The following IFT88 variants were observed in gnomAD, a reference collection of about 807,000 sequenced individuals.
IFT88 encodes intraflagellar transport 88.
Under a neutral mutation model 119.5 loss-of-function variants are expected in IFT88, and 74 were observed. The observed-to-expected ratio is 0.62, with a 90% CI of 0.51 to 0.75. The LOEUF (loss-of-function observed/expected upper bound fraction) is 0.75, where lower values mean the gene tolerates loss of function less well. Ranked by LOEUF, IFT88 falls within the 30% of genes least tolerant of loss-of-function variation. The pLI is 0.00. For missense variants in IFT88, 961 were observed against 977.7 expected, an observed-to-expected ratio of 0.98 and a Z score of 0.23; for synonymous variants, 279 against 316.7, an observed-to-expected ratio of 0.88 and a Z score of 1.26.
chr13:20,621,435 T>C (rs1211880501), intron 14 of IFT88, among the ~76,000 whole-genome samples: 1 of 151,830 alleles, frequency 6.6e-6, no homozygotes, highest in Non-Finnish European at 1.5e-5. Flanking sequence ...TCCAGCTTTG[T>C]TGTTGAGGAT....
chr13:20,573,650 T>C (rs994047347), intron 1 of IFT88, among the ~76,000 whole-genome samples: 1 of 152,266 alleles, frequency 6.6e-6, no homozygotes, highest in African/African-American at 2.4e-5. Context: ...TGTATCATTT[T>C]ACACTCCCAT....
intron 5 of IFT88, 46 bp downstream of exon 5, chr13:20,591,066 T>A: frequency 2.2e-6 from 3 of 1,344,842 alleles, no homozygotes; most frequent in Non-Finnish European, 3.1e-6. Flanking sequence ...TCTTGTGACT[T>A]GGAATTTACT....
intron 13 of IFT88, among the ~76,000 whole-genome samples, chr13:20,609,384 T>C (rs1397180211): frequency 3.9e-5 from 6 of 152,208 alleles, no homozygotes; most frequent in Non-Finnish European, 8.8e-5. Flanking sequence ...TGTTAGGATC[T>C]GAATCATGTT....
At chr13:20,684,854 T>C (rs564136996) in intron 24 of IFT88, among the ~76,000 whole-genome samples, 30 of 152,346 alleles carry the variant, frequency 2.0e-4, no homozygotes, top group Non-Finnish European at 3.5e-4. Flanking sequence ...TCTCCAACTG[T>C]CGCTTCGGGG....
At position 20,677,092 on chromosome 13, in the gene IFT88, A is replaced by G. The variant is rs1444298143; in HGVS notation, c.2242+6053A>G. Among the ~76,000 whole-genome samples, 4 of 152,284 alleles carry G rather than the reference A, an allele frequency of 2.6e-5. No homozygotes were observed. The East Asian group carries it at 7.7e-4, about 29-fold the overall frequency. On this transcript the variant is annotated intron_variant, in intron 24 of 25. Coordinates refer to ENST00000351808, the MANE Select transcript of IFT88 (RefSeq NM_006531.5). ...GCTTCACCTCTCATATCCTCTTTAT[A>G]TGCTAGGTATTAAGTATTTAAGTTT... is the stretch of plus-strand genomic sequence containing the variant.
chr13:20,682,384 T>G (rs2057423049), intron 24 of IFT88, among the ~76,000 whole-genome samples: 1 of 152,252 alleles, frequency 6.6e-6, no homozygotes, highest in Non-Finnish European at 1.5e-5. Context: ...CTCAGCTTCC[T>G]TTGTTAATTG....
chr13:20,632,155 A>G (rs918307951), intron 16 of IFT88: 4 of 151,960 alleles, frequency 2.6e-5, no homozygotes, highest in Non-Finnish European at 5.9e-5. Context: ...AAAAAAAAAA[A>G]AAATTGTAGA....
chr13:20,687,826 G>A (rs1189204333), intron 24 of IFT88, among the ~76,000 whole-genome samples: 1 of 152,076 alleles, frequency 6.6e-6, no homozygotes, highest in African/African-American at 2.4e-5. Context: ...ATTCTTTGGA[G>A]GCCAAAAAGA....
At chr13:20,567,899 T>C in intron 1 of IFT88, 1 of 628,222 alleles carries the variant, frequency 1.6e-6, no homozygotes, top group Non-Finnish European at 2.7e-6. Context: ...TGCAGTAGGC[T>C]TCTTGGAAGT....
At chr13:20,645,201 T>C (rs2050550604) in intron 20 of IFT88, among the ~76,000 whole-genome samples, 1 of 152,146 alleles carries the variant, frequency 6.6e-6, no homozygotes, top group African/African-American at 2.4e-5. Flanking sequence ...GCGATTCTCC[T>C]GCCTCAGCCT....
At chr13:20,674,722 A>ATT (rs1296479140) in intron 24 of IFT88, among the ~76,000 whole-genome samples, 146 of 42,630 alleles carry the variant, frequency 3.4e-3, no homozygotes, top group Middle Eastern at 0.019. Context: ...ATATATATAT[A>ATT]TATTTTTTTT....
chr13:20,570,938 G>A (rs909549585), intron 1 of IFT88, among the ~76,000 whole-genome samples: 1 of 151,794 alleles, frequency 6.6e-6, no homozygotes, highest in African/African-American at 2.4e-5. Context: ...CATATATGTG[G>A]TATTATGCTG....
intron 15 of IFT88, among the ~76,000 whole-genome samples, chr13:20,626,844 A>G (rs1411916320): frequency 6.6e-6 from 1 of 152,224 alleles, no homozygotes; most frequent in East Asian, 1.9e-4. Context: ...TAGTGTCATT[A>G]TATGTCAGCA....
At chr13:20,663,237 AGT>A (rs2054116305) in intron 22 of IFT88, 1 of 1,420,344 alleles carries the variant, frequency 7.0e-7, no homozygotes, top group Non-Finnish European at 9.3e-7. Context: ...CTCTGCCAGC[AGT>A]GTCCTGTGCC....
chr13:20,672,195 A>G (rs985043166), intron 24 of IFT88, among the ~76,000 whole-genome samples: 7 of 152,164 alleles, frequency 4.6e-5, no homozygotes, highest in Non-Finnish European at 7.4e-5. Context: ...CTTCGTCCCA[A>G]TTGCAGTCAA....
intron 13 of IFT88, among the ~76,000 whole-genome samples, chr13:20,609,763 G>GAAAACAA (rs2044149546): frequency 7.0e-6 from 1 of 142,412 alleles, no homozygotes; most frequent in Non-Finnish European, 1.5e-5. Context: ...CAAACAAACA[G>GAAAACAA]AAAAAAAACA....
intron 16 of IFT88, among the ~76,000 whole-genome samples, chr13:20,636,485 A>T (rs2049035160): frequency 6.6e-6 from 1 of 152,236 alleles, no homozygotes; most frequent in Non-Finnish European, 1.5e-5. Context: ...CCCAGTTAAA[A>T]TAAGTTCATT....
At chr13:20,687,323 A>G (rs186226654) in intron 24 of IFT88, among the ~76,000 whole-genome samples, 80 of 152,292 alleles carry the variant, frequency 5.3e-4, no homozygotes, top group African/African-American at 1.8e-3. Context: ...AGACAGCCAC[A>G]TTTTGTGGGG....
rs1345975741 is a variant in IFT88 at position 20,638,533 on chromosome 13, G to A, written c.1573+15G>A. ...TTATAATATTGGTAAGTGAAACAAG[G>A]GGAAATTGCTTTTTAAATTATTTAT... On this transcript the variant is annotated intron_variant, in intron 17 of 25. Coordinates refer to ENST00000351808, the MANE Select transcript of IFT88 (RefSeq NM_006531.5). 2 of 1,379,260 alleles carry A rather than the reference G, an allele frequency of 1.5e-6. No homozygotes were observed. The highest frequency in any genetic ancestry group is 2.9e-5 in the Admixed American group (1 of 34,608). 85.4% of individuals were successfully genotyped at this position (1,379,260 alleles called of 1,614,324 possible). A position where few individuals can be genotyped will look rare whatever the true frequency, so the allele number is the denominator to read the frequency against.
Sources: gnomAD v4.1 joint callset for allele counts (sites outside exome capture counted in the v4.1 genomes callset) on GRCh38, gnomAD v4.1.1 for gene constraint, MANE v1.5 for transcripts, NCBI Gene and HGNC (gene_info 2026-07-23, HGNC 2026-07-21) for gene names.